The following PCDHGB3 variants were observed in gnomAD, a reference collection of about 807,000 sequenced individuals.
PCDHGB3 encodes the protein protocadherin gamma-B3.
A neutral mutation model predicts 59.2 loss-of-function variants in PCDHGB3; 40 were observed. The ratio of observed to expected loss-of-function variants is 0.68; its 90% CI spans 0.52 to 0.88. The LOEUF is 0.88. PCDHGB3 is among the 40% of genes least tolerant of loss of function. The pLI is 0.00. For missense variants in PCDHGB3, 1,309 were observed against 1,187.9 expected, an observed-to-expected ratio of 1.10 and a Z score of -1.50; for synonymous variants, 581 against 503.6, an observed-to-expected ratio of 1.15 and a Z score of -2.06.
At chr5:141,408,192 C>A (rs2095055859) in intron 1 of PCDHGB3, 1 of 1,545,004 alleles carries the variant, frequency 6.5e-7, no homozygotes, top group South Asian at 1.2e-5. Flanking sequence ...CAGCGAGAAC[C>A]CGAGCGAACG....
intron 1 of PCDHGB3, chr5:141,399,976 C>A (rs759278103): frequency 1.2e-6 from 2 of 1,612,122 alleles, no homozygotes; most frequent in African/African-American, 2.7e-5. Context: ...CAGCCTGGGG[C>A]TGCGCACAGG....
intron 1 of PCDHGB3, chr5:141,385,074 G>T: frequency 1.2e-6 from 2 of 1,614,192 alleles, no homozygotes; most frequent in African/African-American, 1.3e-5. Context: ...CACGCCTGCT[G>T]CAGGCTTCAG....
At chr5:141,480,703 C>T (rs577131684) in intron 1 of PCDHGB3, among the ~76,000 whole-genome samples, 10 of 152,252 alleles carry the variant, frequency 6.6e-5, no homozygotes, top group Admixed American at 1.3e-4. Flanking sequence ...GGCCACACCC[C>T]GACAAATGAA....
intron 1 of PCDHGB3, chr5:141,403,849 G>C (rs1422192604): frequency 6.2e-7 from 1 of 1,613,560 alleles, no homozygotes; most frequent in South Asian, 1.1e-5. Context: ...AAAATACTGG[G>C]GAAATATCAA....
At chr5:141,418,746 A>G in intron 1 of PCDHGB3, 1 of 1,613,974 alleles carries the variant, frequency 6.2e-7, no homozygotes, top group Non-Finnish European at 8.5e-7. Context: ...TCTCTGGATT[A>G]CACTACAGGA....
intron 1 of PCDHGB3, chr5:141,376,025 G>A (rs1561571387): frequency 6.2e-7 from 1 of 1,613,266 alleles, no homozygotes; most frequent in East Asian, 2.2e-5. Flanking sequence ...GGCCGTCCAG[G>A]ACCACGGCCA....
intron 1 of PCDHGB3, among the ~76,000 whole-genome samples, chr5:141,439,259 G>A (rs1172204848): frequency 6.6e-6 from 1 of 151,900 alleles, no homozygotes; most frequent in African/African-American, 2.4e-5. Context: ...TGAAGATTCA[G>A]CCAACAGTTC....
In PCDHGB3 at chr5:141,432,017, A is replaced by G. The variant is rs372826902; in HGVS notation, c.2415+59208A>G. The stretch of plus-strand genomic sequence containing the variant: ...TAGGGAACAGGTTCCTAGCTACAAC[A>G]TCACAGTGACCGCCACTGACCGGGG... On this transcript the variant is annotated intron_variant, in intron 1 of 3. Coordinates refer to ENST00000576222, the MANE Select transcript of PCDHGB3 (RefSeq NM_018924.5). This position sits in a 1 kb window ranked among gnomAD's most constrained non-coding sequence, Gnocchi z 6.0. The G allele has an allele frequency of 6.2e-7, 1 of 1,614,224 alleles. No individual in the cohort carries two copies. Among genetic ancestry groups the G allele is most frequent in the Non-Finnish European group, 8.5e-7 (1 of 1,180,038 alleles).
chr5:141,405,414 T>G, intron 1 of PCDHGB3: 3 of 1,562,312 alleles, frequency 1.9e-6, no homozygotes, highest in Non-Finnish European at 2.6e-6. Flanking sequence ...TTTCTTTTTT[T>G]GTTTTTTGTT....
chr5:141,473,117 C>A (rs976493841), intron 1 of PCDHGB3, among the ~76,000 whole-genome samples: 4 of 152,140 alleles, frequency 2.6e-5, no homozygotes, highest in Admixed American at 1.3e-4. Flanking sequence ...CTTTACTTGG[C>A]TCTTTGGCAA....
intron 1 of PCDHGB3, chr5:141,398,897 C>T (rs761364649): frequency 1.2e-6 from 2 of 1,613,932 alleles, no homozygotes; most frequent in Non-Finnish European, 1.7e-6. Context: ...AACGTGCCAC[C>T]AGGCACCACT....
chr5:141,418,313 A>G (rs750036471), intron 1 of PCDHGB3: 2 of 1,614,038 alleles, frequency 1.2e-6, no homozygotes, highest in Middle Eastern at 1.6e-4. Context: ...GGGGATGGGA[A>G]CAATTCTTGA....
intron 1 of PCDHGB3, chr5:141,383,470 T>G (rs1779162782): frequency 6.2e-7 from 1 of 1,613,710 alleles, no homozygotes; most frequent in Non-Finnish European, 8.5e-7. Flanking sequence ...TGAAACTAAG[T>G]ACCCGGAACT....
intron 1 of PCDHGB3, chr5:141,384,161 C>T (rs1476096646): frequency 1.2e-6 from 2 of 1,613,520 alleles, no homozygotes; most frequent in Non-Finnish European, 1.7e-6. Flanking sequence ...TATAACATCA[C>T]ACTGAAAGCC....
chr5:141,398,448 G>A lies in PCDHGB3; in HGVS notation c.2415+25639G>A, dbSNP rs1213915296. On this transcript the variant is annotated intron_variant, in intron 1 of 3. Coordinates refer to ENST00000576222, the MANE Select transcript of PCDHGB3 (RefSeq NM_018924.5). ...AGCCAGCTTGTGCTCTGGAATTTGAGGCTGTTGCTGAAAATCCACTGAACT... is the reference window on the plus strand; with the variant it reads ...AGCCAGCTTGTGCTCTGGAATTTGAAGCTGTTGCTGAAAATCCACTGAACT... 2.5e-6 allele frequency: 4 copies of A among 1,574,288 alleles called. No individual in the cohort carries two copies. In the Middle Eastern group the frequency reaches 5.2e-4, roughly 203 times the overall value.
At chr5:141,429,912 A>G (rs1341795921) in intron 1 of PCDHGB3, among the ~76,000 whole-genome samples, 2 of 152,234 alleles carry the variant, frequency 1.3e-5, no homozygotes, top group Admixed American at 1.3e-4. Flanking sequence ...TTGAAATATA[A>G]TGTATTAATA....
chr5:141,428,297 T>G (rs2097131311), intron 1 of PCDHGB3: 5 of 712,160 alleles, frequency 7.0e-6, no homozygotes, highest in Non-Finnish European at 1.2e-5. Flanking sequence ...AAGCTGCAGA[T>G]TTACCTGGTC....
chr5:141,491,291 C>T lies in PCDHGB3; in HGVS notation c.2416-3516C>T. 1 of 1,614,152 alleles carries T rather than the reference C, an allele frequency of 6.2e-7. No homozygotes were observed. The highest frequency in any genetic ancestry group is 8.5e-7 in the Non-Finnish European group (1 of 1,179,974). On this transcript the variant is annotated intron_variant, in intron 1 of 3. Coordinates refer to ENST00000576222, the MANE Select transcript of PCDHGB3 (RefSeq NM_018924.5). This position sits in a 1 kb window ranked among gnomAD's most constrained non-coding sequence, Gnocchi z 6.9. The stretch of plus-strand genomic sequence containing the variant: ...AAATCCAGTGACTTCCTCATACACC[C>T]TCCTGAGCGTTCAGACCTTACCCTT...
chr5:141,437,444 G>A (rs957088733), intron 1 of PCDHGB3, among the ~76,000 whole-genome samples: 26 of 152,212 alleles, frequency 1.7e-4, no homozygotes, highest in Admixed American at 2.0e-4. Context: ...GCATAGGAAT[G>A]TTGAGGAGAC....
Sources: gnomAD v4.1 joint callset for allele counts (sites outside exome capture counted in the v4.1 genomes callset) on GRCh38, gnomAD v4.1.1 for gene constraint, Gnocchi (gnomAD v3.1) non-coding constraint, MANE v1.5 for transcripts, NCBI Gene and HGNC (gene_info 2026-07-23, HGNC 2026-07-21) for gene names.